NRXN1: variants seen among roughly 807,000 people sequenced by gnomAD.
NRXN1 encodes neurexin 1, also known as neurexin-1.
NRXN1 carries 39 observed loss-of-function variants against 150.9 expected under a neutral mutation model. The observed-to-expected ratio is 0.26, with a 90% CI of 0.20 to 0.34. The LOEUF (loss-of-function observed/expected upper bound fraction) is 0.34. NRXN1 is among the 10% of genes least tolerant of loss of function. NRXN1 has a pLI of 1.00. For synonymous variants in NRXN1, 924 were observed against 757.0 expected (o/e 1.22, Z -3.62); for missense variants, 1,815 against 1,949.9 (o/e 0.93, Z 1.30).
intron 21 of NRXN1, among the ~76,000 whole-genome samples, chr2:49,996,813 A>C (rs2152527684): frequency 6.6e-6 from 1 of 152,302 alleles, no homozygotes; most frequent in South Asian, 2.1e-4. Context: ...AAGCAAATTT[A>C]TTTGTGCTGT....
intron 16 of NRXN1, chr2:50,466,529 G>T (rs1039190616): frequency 2.2e-6 from 1 of 459,994 alleles, no homozygotes; most frequent in South Asian, 1.6e-5. Context: ...TATATTAAAT[G>T]TTAGTAAGCA....
chr2:50,500,863 T>C (rs2091905120), intron 13 of NRXN1, among the ~76,000 whole-genome samples: 1 of 152,214 alleles, frequency 6.6e-6, no homozygotes, highest in Non-Finnish European at 1.5e-5. Flanking sequence ...CATCCACTTG[T>C]TAATTCACTT....
chr2:50,235,873 A>G (rs1353764309), intron 18 of NRXN1, among the ~76,000 whole-genome samples: 1 of 152,066 alleles, frequency 6.6e-6, no homozygotes, highest in Non-Finnish European at 1.5e-5. Context: ...TAGACCAAGA[A>G]CTATGATAAT....
intron 17 of NRXN1, among the ~76,000 whole-genome samples, chr2:50,332,306 TTGAGTATCTA>T (rs1558542263): frequency 6.6e-6 from 1 of 152,202 alleles, no homozygotes; most frequent in African/African-American, 2.4e-5. Context: ...CTACAAACAT[TTGAGTATCTA>T]TGAAAATTTA....
chr2:50,961,018 T>A (rs1001313262), intron 2 of NRXN1, among the ~76,000 whole-genome samples: 1 of 151,920 alleles, frequency 6.6e-6, no homozygotes, highest in Non-Finnish European at 1.5e-5. Flanking sequence ...TTGTAAAAAT[T>A]AGGTAACATT....
At chr2:49,995,458 T>C (rs1428416629) in intron 21 of NRXN1, among the ~76,000 whole-genome samples, 3 of 152,092 alleles carry the variant, frequency 2.0e-5, no homozygotes, top group East Asian at 1.9e-4. Context: ...CTACTGTTCA[T>C]ATCATTTTCA....
intron 21 of NRXN1, among the ~76,000 whole-genome samples, chr2:49,964,685 C>T (rs559909710): frequency 6.3e-4 from 96 of 151,846 alleles, no homozygotes; most frequent in African/African-American, 2.1e-3. Flanking sequence ...ACTAAAAATA[C>T]GAAAAATTAG....
chr2:50,439,236 T>A (rs2085711681), intron 17 of NRXN1, among the ~76,000 whole-genome samples: 1 of 152,188 alleles, frequency 6.6e-6, no homozygotes, highest in Non-Finnish European at 1.5e-5. Flanking sequence ...TTAGTAGATG[T>A]TTTGTCTTTG....
At chr2:50,504,591 TCAC>T (rs2092126232) in intron 13 of NRXN1, among the ~76,000 whole-genome samples, 1 of 151,884 alleles carries the variant, frequency 6.6e-6, no homozygotes. Flanking sequence ...AAAATGTTTT[TCAC>T]CATTCTTTTG....
intron 18 of NRXN1, among the ~76,000 whole-genome samples, chr2:50,234,481 C>A (rs912426477): frequency 6.6e-6 from 1 of 151,890 alleles, no homozygotes; most frequent in Non-Finnish European, 1.5e-5. Context: ...GCAACAAGAG[C>A]GAAACTTTGT....
chr2:49,937,960 T>A lies in NRXN1; in HGVS notation c.4216+5744A>T, dbSNP rs559787749. On this transcript the variant is annotated intron_variant, in intron 22 of 22. Transcript: ENST00000401669. ...ATACATATCTTTATTCCTAATGTGT[T>A]TAATGGTATCAATTGAATAGAAATC... 6.6e-5 allele frequency among the ~76,000 whole-genome samples: 10 copies of A among 152,286 alleles called. No homozygotes were observed. In the South Asian group the frequency reaches 2.1e-3, roughly 32 times the overall value.
chr2:50,481,180 T>C lies in NRXN1; in HGVS notation c.3071-8709A>G, dbSNP rs1490117728. Among the ~76,000 whole-genome samples the C allele has an allele frequency of 2.0e-5, 3 of 152,212 alleles. No individual in the cohort carries two copies. The East Asian group carries it at 5.8e-4, about 29-fold the overall frequency. ...CCGTTAATCCAGACTGACACGCACA[T>C]GTACACCCTGTACACTCTAAGTGGC... On this transcript the variant is annotated intron_variant, in intron 15 of 22. Coordinates refer to ENST00000401669, the MANE Select transcript of NRXN1 (RefSeq NM_001330078.2).
chr2:50,137,118 G>GAGAA (rs1706537177), intron 18 of NRXN1, among the ~76,000 whole-genome samples: 1 of 152,106 alleles, frequency 6.6e-6, no homozygotes, highest in Non-Finnish European at 1.5e-5. Flanking sequence ...GGAAGAATGT[G>GAGAA]AGAATGTGTT....
intron 15 of NRXN1, among the ~76,000 whole-genome samples, chr2:50,488,036 C>T (rs1410867240): frequency 6.6e-6 from 1 of 152,178 alleles, no homozygotes; most frequent in African/African-American, 2.4e-5. Flanking sequence ...ATCATCTAAA[C>T]ATTTGGGTAT....
chr2:50,800,554 GA>G (rs1250982494), intron 5 of NRXN1, among the ~76,000 whole-genome samples: 95 of 152,004 alleles, frequency 6.2e-4, no homozygotes, highest in African/African-American at 2.2e-3. Context: ...AATTAATAAT[GA>G]ATTTTTTTTT....
At chr2:50,833,960 T>A (rs1309969560) in intron 5 of NRXN1, among the ~76,000 whole-genome samples, 2 of 152,182 alleles carry the variant, frequency 1.3e-5, no homozygotes, top group South Asian at 4.1e-4. Context: ...AGTATGCCTA[T>A]AAAAATTACA....
chr2:50,592,193 T>C (rs1299142153), intron 8 of NRXN1, among the ~76,000 whole-genome samples: 1 of 152,204 alleles, frequency 6.6e-6, no homozygotes, highest in Non-Finnish European at 1.5e-5. Context: ...GATGGCGAAA[T>C]GACAGTTTAA....
intron 19 of NRXN1, among the ~76,000 whole-genome samples, chr2:50,059,592 C>T (rs1694183667): frequency 6.6e-6 from 1 of 152,162 alleles, no homozygotes; most frequent in Non-Finnish European, 1.5e-5. Flanking sequence ...AAAATGTCTC[C>T]AGAGCATGTC....
At chr2:50,935,859 T>A (rs999220545) in intron 2 of NRXN1, among the ~76,000 whole-genome samples, 39 of 152,212 alleles carry the variant, frequency 2.6e-4, no homozygotes, top group African/African-American at 9.2e-4. Flanking sequence ...TAATAAAAAT[T>A]TATAATAGAC....
Sources: gnomAD v4.1 joint callset for allele counts (sites outside exome capture counted in the v4.1 genomes callset) on GRCh38, gnomAD v4.1.1 for gene constraint, MANE v1.5 for transcripts, NCBI Gene and HGNC (gene_info 2026-07-23, HGNC 2026-07-21) for gene names.